AMPH: variants seen among roughly 807,000 people sequenced by gnomAD.
The protein encoded by AMPH is amphiphysin.
Under a neutral mutation model 99.1 loss-of-function variants are expected in AMPH, and 49 were observed. The observed-to-expected ratio is 0.49, with a 90% CI of 0.39 to 0.63. The LOEUF is 0.63. Ranked by LOEUF, AMPH falls within the 20% of genes least tolerant of loss-of-function variation. The pLI is 0.00. For missense variants in AMPH, 759 were observed against 863.4 expected, an observed-to-expected ratio of 0.88 and a Z score of 1.52; for synonymous variants, 314 against 317.3, an observed-to-expected ratio of 0.99 and a Z score of 0.11.
At chr7:38,432,622 A>ACACACACACC (rs1786079682) in intron 12 of AMPH, among the ~76,000 whole-genome samples, 1 of 141,842 alleles carries the variant, frequency 7.1e-6, no homozygotes, top group African/African-American at 2.6e-5. Flanking sequence ...ACACACACAC[A>ACACACACACC]CCTCATTAAA....
At chr7:38,471,111 A>G (rs1039247765) in intron 7 of AMPH, among the ~76,000 whole-genome samples, 1 of 152,188 alleles carries the variant, frequency 6.6e-6, no homozygotes, top group Admixed American at 6.5e-5. Context: ...TGTTGAATGC[A>G]TGATAAATGT....
At chr7:38,391,169 G>GT (rs777853716) in intron 19 of AMPH, among the ~76,000 whole-genome samples, 13 of 152,178 alleles carry the variant, frequency 8.5e-5, no homozygotes, top group Non-Finnish European at 1.2e-4. Context: ...TATTTACTAA[G>GT]TTTTTTTGGT....
chr7:38,501,213 C>T (rs1016542935), intron 3 of AMPH, among the ~76,000 whole-genome samples: 2 of 151,958 alleles, frequency 1.3e-5, no homozygotes, highest in African/African-American at 2.4e-5. Flanking sequence ...TTTTTTTGAA[C>T]AGGGTCTCAC....
chr7:38,420,418 G>C (rs1439091399), intron 16 of AMPH, among the ~76,000 whole-genome samples: 2 of 152,146 alleles, frequency 1.3e-5, no homozygotes, highest in Non-Finnish European at 2.9e-5. Flanking sequence ...TTGCAAATGG[G>C]TTGATCCCAT....
intron 17 of AMPH, among the ~76,000 whole-genome samples, chr7:38,401,816 T>C (rs1056416169): frequency 6.6e-6 from 1 of 152,166 alleles, no homozygotes; most frequent in African/African-American, 2.4e-5. Flanking sequence ...TTTCTTATGA[T>C]CCACATGCAG....
chr7:38,452,025 AG>A (rs1049866995), intron 11 of AMPH, among the ~76,000 whole-genome samples: 3 of 152,164 alleles, frequency 2.0e-5, no homozygotes, highest in African/African-American at 7.2e-5. Context: ...GGGCCATTAG[AG>A]GGCTCTCCAG....
intron 17 of AMPH, among the ~76,000 whole-genome samples, chr7:38,395,198 T>C (rs531938897): frequency 6.6e-6 from 1 of 150,840 alleles, no homozygotes; most frequent in Non-Finnish European, 1.5e-5. Flanking sequence ...GTGAGGAAGG[T>C]TCCAGAAGCC....
intron 1 of AMPH, among the ~76,000 whole-genome samples, chr7:38,586,370 C>T (rs951452679): frequency 6.6e-6 from 1 of 152,180 alleles, no homozygotes; most frequent in Non-Finnish European, 1.5e-5. Context: ...ACAGTGGTGT[C>T]TCAAATTTTG....
chr7:38,433,816 A>G (rs962357371), intron 12 of AMPH, among the ~76,000 whole-genome samples: 2 of 151,760 alleles, frequency 1.3e-5, no homozygotes, highest in African/African-American at 4.8e-5. Context: ...TTTCTTTAAA[A>G]GGAAGGCAGG....
intron 11 of AMPH, among the ~76,000 whole-genome samples, chr7:38,451,360 G>GT (rs1787017885): frequency 7.1e-6 from 1 of 141,650 alleles, no homozygotes; most frequent in African/African-American, 2.7e-5. Flanking sequence ...TTATATACAC[G>GT]TATATATATG....
Position 38,515,227 on chromosome 7 carries a change from T to C in AMPH, c.151-11523A>G, listed in dbSNP as rs576806153. ...CAGCGGACTTTATGGAATGTAGAAA[T>C]TGAGGGTGATTGATATGGTGTGGAT... On this transcript the variant is annotated intron_variant, in intron 2 of 20. Coordinates refer to ENST00000356264, the MANE Select transcript of AMPH (RefSeq NM_001635.4). Among the ~76,000 whole-genome samples the C allele has an allele frequency of 2.6e-5, 4 of 152,224 alleles. No individual in the cohort carries two copies. In the South Asian group the frequency reaches 8.3e-4, roughly 32 times the overall value.
intron 1 of AMPH, among the ~76,000 whole-genome samples, chr7:38,623,905 G>A (rs1794152894): frequency 6.6e-6 from 1 of 152,172 alleles, no homozygotes; most frequent in Admixed American, 6.5e-5. Flanking sequence ...TGAAGCACAT[G>A]ACTCTGCCAA....
intron 14 of AMPH, among the ~76,000 whole-genome samples, chr7:38,427,265 G>T (rs1562745939): frequency 6.6e-6 from 1 of 152,140 alleles, no homozygotes. Context: ...ATGAGAAGAT[G>T]ATTCCAGAAA....
chr7:38,606,652 A>G (rs1209856293), intron 1 of AMPH, among the ~76,000 whole-genome samples: 1 of 145,654 alleles, frequency 6.9e-6, no homozygotes, highest in African/African-American at 2.6e-5. Context: ...AGCTCATTAC[A>G]GCTTCAAATT....
At chr7:38,387,784 T>TAA (rs528120700) in intron 20 of AMPH, among the ~76,000 whole-genome samples, 1 of 136,564 alleles carries the variant, frequency 7.3e-6, no homozygotes, top group African/African-American at 2.7e-5. Flanking sequence ...ATGAAGACCA[T>TAA]AAAAAAAAAA....
intron 5 of AMPH, among the ~76,000 whole-genome samples, chr7:38,483,585 G>T (rs1456660678): frequency 6.6e-6 from 1 of 152,110 alleles, no homozygotes; most frequent in Non-Finnish European, 1.5e-5. Context: ...CCTAGGGGGT[G>T]CTAAGAACAA....
In AMPH at chr7:38,596,249, G is replaced by A. The variant is rs117571984; in HGVS notation, c.69+35034C>T. Among the ~76,000 whole-genome samples, 895 of 152,314 alleles carry A rather than the reference G, an allele frequency of 5.9e-3. 7 individuals carry two copies. Among genetic ancestry groups the A allele is most frequent in the South Asian group, 0.018 (88 of 4,832 alleles). Reference sequence around the variant, plus strand: ...AGGAGTTATTACTTGCCCTGTGGGAGAGAAGGAATAAGTCTATGGAGGGGT... The same window carrying A: ...AGGAGTTATTACTTGCCCTGTGGGAAAGAAGGAATAAGTCTATGGAGGGGT... On this transcript the variant is annotated intron_variant, in intron 1 of 20. Transcript: ENST00000356264.
intron 14 of AMPH, chr7:38,429,332 C>A: frequency 7.8e-7 from 1 of 1,288,582 alleles, no homozygotes; most frequent in Non-Finnish European, 1.0e-6. Context: ...CTACAGTGGG[C>A]CAGTCAGCAG....
chr7:38,623,230 T>C (rs1240500087), intron 1 of AMPH, among the ~76,000 whole-genome samples: 1 of 152,234 alleles, frequency 6.6e-6, no homozygotes, highest in Non-Finnish European at 1.5e-5. Context: ...TATACAAATA[T>C]CTCAGCTATG....
Sources: gnomAD v4.1 joint callset for allele counts (sites outside exome capture counted in the v4.1 genomes callset) on GRCh38, gnomAD v4.1.1 for gene constraint, MANE v1.5 for transcripts, NCBI Gene and HGNC (gene_info 2026-07-23, HGNC 2026-07-21) for gene names.